The following AUTS2 variants were observed in gnomAD, a reference collection of about 807,000 sequenced individuals.
AUTS2 encodes autism susceptibility gene 2 protein.
AUTS2 carries 17 observed loss-of-function variants against 112.4 expected under a neutral mutation model. The ratio of observed to expected loss-of-function variants is 0.15; its 90% CI spans 0.10 to 0.23. The LOEUF (loss-of-function observed/expected upper bound fraction) is 0.23. AUTS2 is among the 10% of genes least tolerant of loss of function. AUTS2 has a pLI of 1.00. For synonymous variants in AUTS2, 751 were observed against 702.7 expected, an observed-to-expected ratio of 1.07 and a Z score of -1.09; for missense variants, 1,510 against 1,701.6, an observed-to-expected ratio of 0.89 and a Z score of 1.98.
At chr7:70,163,723 T>C (rs1221929011) in intron 4 of AUTS2, among the ~76,000 whole-genome samples, 1 of 152,068 alleles carries the variant, frequency 6.6e-6, no homozygotes, top group Non-Finnish European at 1.5e-5. Flanking sequence ...ATTCCACCAA[T>C]ACAAGGCAAA....
chr7:70,697,569 C>T (rs1209021791), intron 5 of AUTS2, among the ~76,000 whole-genome samples: 3 of 142,954 alleles, frequency 2.1e-5, no homozygotes, highest in African/African-American at 7.6e-5. Flanking sequence ...TTCCCCCCCC[C>T]CATTTCCTAT....
intron 2 of AUTS2, among the ~76,000 whole-genome samples, chr7:70,093,568 T>C (rs1163907318): frequency 6.6e-6 from 1 of 152,136 alleles, no homozygotes; most frequent in African/African-American, 2.4e-5. Flanking sequence ...AATTTATAAG[T>C]TGAAAGATTA....
chr7:69,841,540 GA>G (rs1436358343), intron 1 of AUTS2, among the ~76,000 whole-genome samples: 2 of 152,140 alleles, frequency 1.3e-5, no homozygotes, highest in Non-Finnish European at 2.9e-5. Flanking sequence ...AAGGTTTACA[GA>G]AAATAGAAGG....
intron 1 of AUTS2, among the ~76,000 whole-genome samples, chr7:69,809,181 T>C (rs1303954436): frequency 6.6e-6 from 1 of 152,050 alleles, no homozygotes; most frequent in East Asian, 1.9e-4. Flanking sequence ...TTCACACCAT[T>C]CTCCTGCCTC....
At chr7:70,421,308 C>T in intron 4 of AUTS2, among the ~76,000 whole-genome samples, 1 of 149,046 alleles carries the variant, frequency 6.7e-6, no homozygotes, top group Non-Finnish European at 1.5e-5. Flanking sequence ...ACATTTCCCC[C>T]ACCCAGAAAA....
intron 4 of AUTS2, among the ~76,000 whole-genome samples, chr7:70,415,239 G>A (rs760511247): frequency 2.6e-5 from 4 of 152,192 alleles, no homozygotes; most frequent in Non-Finnish European, 5.9e-5. Flanking sequence ...GGCAGCCTAG[G>A]CTGTAGTCCT....
intron 2 of AUTS2, among the ~76,000 whole-genome samples, chr7:70,081,756 T>C (rs899022074): frequency 6.6e-6 from 1 of 152,216 alleles, no homozygotes; most frequent in African/African-American, 2.4e-5. Flanking sequence ...AAACAAAATG[T>C]ATTTGCAGAA....
At chr7:70,037,370 G>A (rs1801052272) in intron 2 of AUTS2, among the ~76,000 whole-genome samples, 1 of 152,178 alleles carries the variant, frequency 6.6e-6, no homozygotes, top group Non-Finnish European at 1.5e-5. Flanking sequence ...TTTTTGCTGA[G>A]TGAGTAGGTT....
chr7:70,018,133 A>G (rs1233476915), intron 2 of AUTS2, among the ~76,000 whole-genome samples: 1 of 152,126 alleles, frequency 6.6e-6, no homozygotes, highest in Non-Finnish European at 1.5e-5. Flanking sequence ...TTTAGTTGGC[A>G]TATTTGAAAA....
At chr7:70,365,200 T>C (rs1486938709) in intron 4 of AUTS2, among the ~76,000 whole-genome samples, 1 of 152,212 alleles carries the variant, frequency 6.6e-6, no homozygotes, top group Non-Finnish European at 1.5e-5. Context: ...TGCCCTGAAT[T>C]TCCCTCTTTA....
intron 6 of AUTS2, among the ~76,000 whole-genome samples, chr7:70,705,478 C>T (rs527841396): frequency 4.6e-5 from 7 of 152,238 alleles, no homozygotes; most frequent in South Asian, 2.1e-4. Flanking sequence ...TTATTTAGCC[C>T]GGAGCTAACA....
intron 1 of AUTS2, among the ~76,000 whole-genome samples, chr7:69,752,095 A>G (rs548461553): frequency 6.6e-6 from 1 of 152,286 alleles, no homozygotes; most frequent in South Asian, 2.1e-4. Context: ...ATGCCCAGAC[A>G]GTGCCCCTGT....
chr7:70,780,421 G>GTTT (rs367964386), intron 14 of AUTS2, among the ~76,000 whole-genome samples: 2 of 145,556 alleles, frequency 1.4e-5, no homozygotes, highest in African/African-American at 2.5e-5. Context: ...ACAAGAGTTT[G>GTTT]TTTTTTTTTT....
At chr7:70,084,669 G>A (rs1433824608) in intron 2 of AUTS2, among the ~76,000 whole-genome samples, 1 of 152,030 alleles carries the variant, frequency 6.6e-6, no homozygotes, top group Non-Finnish European at 1.5e-5. Context: ...TTTTTCATCT[G>A]TATATCTTTT....
intron 2 of AUTS2, among the ~76,000 whole-genome samples, chr7:70,036,328 C>T (rs1801001823): frequency 1.3e-5 from 2 of 152,172 alleles, no homozygotes; most frequent in Non-Finnish European, 2.9e-5. Context: ...TAAGTAACAA[C>T]AATATGGGAA....
chr7:69,935,358 A>G (rs1054701346), intron 2 of AUTS2, among the ~76,000 whole-genome samples: 4 of 152,218 alleles, frequency 2.6e-5, no homozygotes, highest in African/African-American at 9.6e-5. Flanking sequence ...TTTGAAGGCT[A>G]CTGGCAATAG....
chr7:70,372,846 A>G (rs1792902108), intron 4 of AUTS2, among the ~76,000 whole-genome samples: 2 of 151,954 alleles, frequency 1.3e-5, no homozygotes, highest in East Asian at 1.9e-4. Context: ...ATATGGAGCC[A>G]TTTGTCCTAG....
chr7:70,167,201 G>A (rs1245159505), intron 4 of AUTS2, among the ~76,000 whole-genome samples: 1 of 152,140 alleles, frequency 6.6e-6, no homozygotes, highest in Non-Finnish European at 1.5e-5. Context: ...ACTCCAGCCT[G>A]GATGACAGAG....
intron 6 of AUTS2, among the ~76,000 whole-genome samples, chr7:70,703,216 G>A (rs762462404): frequency 4.8e-4 from 73 of 152,162 alleles, no homozygotes; most frequent in Non-Finnish European, 9.1e-4. Flanking sequence ...CATTCCCGCC[G>A]AGCATGGTCA....
Sources: allele counts gnomAD v4.1 joint callset (sites outside exome capture counted in the v4.1 genomes callset), GRCh38; gene constraint gnomAD v4.1.1; transcripts MANE v1.5; gene names NCBI Gene and HGNC (gene_info 2026-07-23, HGNC 2026-07-21).